The following ABCA2 variants were observed in gnomAD, a reference collection of about 807,000 sequenced individuals.
ABCA2 encodes ATP binding cassette subfamily A member 2, also known as ATP-binding cassette sub-family A member 2.
In ABCA2, 84 loss-of-function variants were observed where a neutral mutation model predicts 262.8. The ratio of observed to expected loss-of-function variants is 0.32; its 90% CI spans 0.27 to 0.38. The LOEUF is 0.38. Among genes scored for constraint, ABCA2 ranks in the 10% least tolerant of loss-of-function variants. The pLI is 1.00. For missense variants in ABCA2, 2,662 were observed against 3,405.9 expected (o/e 0.78, Z 5.44); for synonymous variants, 1,696 against 1,502.9 (o/e 1.13, Z -2.97).
Position 137,011,611 on chromosome 9 carries a change from C to CT in ABCA2, c.5651+22dup, listed in dbSNP as rs1195118617. ...GCAGCCCCGGTCCCACCTGAGGCCG[C>CT]TCCCCCCTCCGCTTCCGCTTACCCA... On this transcript the variant is annotated intron_variant, in intron 36 of 48. Coordinates refer to ENST00000341511, the MANE Select transcript of ABCA2 (RefSeq NM_001606.5). This position sits in a 1 kb window ranked among gnomAD's most constrained non-coding sequence, Gnocchi z 8.8. 1.3e-6 allele frequency: 2 copies of CT among 1,553,208 alleles called. No homozygotes were observed. The highest frequency in any genetic ancestry group is 2.7e-5 in the African/African-American group (2 of 73,182).
chr9:137,007,842 T>G lies in ABCA2; in HGVS notation c.*87A>C. ...CTCCACTCCAGGCCCTGGCAGGCACTGGGGGACTTCTGTCCCCATTGTTGA... is the reference window on the plus strand; with the variant it reads ...CTCCACTCCAGGCCCTGGCAGGCACGGGGGGACTTCTGTCCCCATTGTTGA... On this transcript the variant is annotated 3_prime_UTR_variant, in exon 49 of 49. Coordinates refer to ENST00000341511, the MANE Select transcript of ABCA2 (RefSeq NM_001606.5). 6.5e-7 allele frequency: 1 copy of G among 1,547,820 alleles called. No homozygotes were observed. Among genetic ancestry groups the G allele is most frequent in the South Asian group, 1.1e-5 (1 of 87,518 alleles).
intron 48 of ABCA2, chr9:137,008,186 C>T: frequency 1.3e-6 from 1 of 798,798 alleles, no homozygotes; most frequent in Non-Finnish European, 2.1e-6. Context: ...CTGGTCCCCT[C>T]TGCCCCACCC....
At chr9:137,023,968 G>C in intron 2 of ABCA2, 128 bp from the exon 3 acceptor site, 2 of 1,527,922 alleles carry the variant, frequency 1.3e-6, no homozygotes, top group Non-Finnish European at 1.8e-6. Context: ...CCACAGGCCA[G>C]CCCCGACCTC....
At chr9:137,025,239 C>T (rs1410885287) in intron 1 of ABCA2, among the ~76,000 whole-genome samples, 1 of 152,238 alleles carries the variant, frequency 6.6e-6, no homozygotes, top group Non-Finnish European at 1.5e-5. Context: ...GCTCACTTCA[C>T]CTGAAAACCA....
intron 3 of ABCA2, 170 bp from the exon 4 acceptor site, chr9:137,023,222 C>T (rs1831540718): frequency 3.1e-6 from 2 of 644,088 alleles, no homozygotes; most frequent in East Asian, 2.7e-5. Flanking sequence ...AGCTGGGCTA[C>T]AGGCCAAGCG....
At position 137,022,667 on chromosome 9, in the gene ABCA2, A is replaced by G. The variant is rs769148763; in HGVS notation, c.439+35T>C. 4 of 1,592,198 alleles carry G rather than the reference A, an allele frequency of 2.5e-6. No individual in the cohort carries two copies. The East Asian group carries it at 9.1e-5, about 36-fold the overall frequency. ...CCAGTGACAGCAGAGCTTTGCCCGC[A>G]GCCCTGCCCCCCAACTTCCCTGCAC... On this transcript the variant is annotated intron_variant, in intron 5 of 48. Coordinates refer to ENST00000341511, the MANE Select transcript of ABCA2 (RefSeq NM_001606.5).
At position 137,020,331 on chromosome 9, in the gene ABCA2, T is replaced by G; in HGVS notation, c.1425+5A>C. On this transcript the variant is annotated splice_donor_5th_base_variant and intron_variant, in intron 10 of 48. Coordinates refer to ENST00000341511, the MANE Select transcript of ABCA2 (RefSeq NM_001606.5). The stretch of plus-strand genomic sequence containing the variant: ...TCAAACATGGAGCGTCCCAGACCCG[T>G]GCACCTTGAGGATGACGCGGTCGAC... 1.2e-6 allele frequency: 2 copies of G among 1,612,084 alleles called. No individual in the cohort carries two copies. Among genetic ancestry groups the G allele is most frequent in the Non-Finnish European group, 1.7e-6 (2 of 1,179,944 alleles).
At position 137,021,979 on chromosome 9, in the gene ABCA2, G is replaced by A. The variant is rs574467529; in HGVS notation, c.590C>T (p.Pro197Leu). Residue 197 changes from proline (P) to leucine (L), a missense_variant, in exon 7 of 49, where the codon CCC (proline) becomes CTC (leucine). By Grantham distance (98) the Pro-to-Leu change is moderately conservative (BLOSUM62 -3). Around this residue, in one of 12 missense-constraint regions of ABCA2, gnomAD observed 403 missense variants for 375.9 expected, o/e 1.07. Coordinates refer to ENST00000341511, the MANE Select transcript of ABCA2 (RefSeq NM_001606.5). The surrounding 1 kb of genome is among the most constrained non-coding windows in gnomAD (Gnocchi z 6.0). ...AGACTGTGAATCCAGGGCAGATGAGGGACCAAAGAGCAGGTGGTAGACCTA... is the reference window on the plus strand; with the variant it reads ...AGACTGTGAATCCAGGGCAGATGAGAGACCAAAGAGCAGGTGGTAGACCTA... Reference protein sequence around the residue: ...PPEVYHLLFGPSSALDSQSGL... With the variant: ...PPEVYHLLFGLSSALDSQSGL... 3 of 1,601,092 alleles carry A rather than the reference G, an allele frequency of 1.9e-6. No homozygotes were observed. Among genetic ancestry groups the A allele is most frequent in the Admixed American group, 1.7e-5 (1 of 57,662 alleles).
At chr9:137,013,602 C>G (rs771401128) in intron 28 of ABCA2, 39 bp from the exon 29 acceptor site, 2 of 1,564,612 alleles carry the variant, frequency 1.3e-6, no homozygotes, top group Non-Finnish European at 1.7e-6. Context: ...AGGTTCTGCC[C>G]TCTGGCCAGC....
chr9:137,015,912 A>G (rs1471831245), intron 22 of ABCA2, 41 bp from the exon 23 acceptor site: 3 of 1,607,102 alleles, frequency 1.9e-6, no homozygotes, highest in South Asian at 1.1e-5. Context: ...TGCTATGCAG[A>G]GCCCCAGGGC....
In ABCA2 at chr9:137,021,258, T is replaced by C. The variant is rs1831443848; in HGVS notation, c.897+134A>G. ...GAGTGGGGCACCAGCCATGGTGCCA[T>C]TGGATACCCACCCACAGGCAGCATC... On this transcript the variant is annotated intron_variant, in intron 8 of 48. Transcript: ENST00000341511. This position sits in a 1 kb window ranked among gnomAD's most constrained non-coding sequence, Gnocchi z 6.0. 1.8e-5 allele frequency: 24 copies of C among 1,306,302 alleles called. No homozygotes were observed. The South Asian group carries it at 2.4e-4, about 13-fold the overall frequency. 80.9% of individuals were successfully genotyped at this position (1,306,302 alleles called of 1,614,324 possible). A position where few individuals can be genotyped will look rare whatever the true frequency, so the allele number is the denominator to read the frequency against.
chr9:137,022,632 G>T, intron 5 of ABCA2, 70 bp downstream of exon 5: 1 of 1,567,792 alleles, frequency 6.4e-7, no homozygotes. Context: ...GAGTGGATGT[G>T]GGCTTCAGCC....
rs1831461291 is a variant in ABCA2 at position 137,021,760 on chromosome 9, C to A, written c.678+131G>T. The A allele has an allele frequency of 3.3e-6, 4 of 1,228,278 alleles. No homozygotes were observed. The highest frequency in any genetic ancestry group is 1.1e-6 in the Non-Finnish European group (1 of 869,642). 76.1% of individuals were successfully genotyped at this position (1,228,278 alleles called of 1,614,324 possible). ...CTCTACCCCTCATGCCTGCCATAGACCCCTGGGACCCTCCCCCTCTCCCAG... is the reference window on the plus strand; with the variant it reads ...CTCTACCCCTCATGCCTGCCATAGAACCCTGGGACCCTCCCCCTCTCCCAG... On this transcript the variant is annotated intron_variant, in intron 7 of 48. Transcript: ENST00000341511. The surrounding 1 kb of genome is among the most constrained non-coding windows in gnomAD (Gnocchi z 6.0).
At position 137,021,656 on chromosome 9, in the gene ABCA2, C is replaced by T; in HGVS notation, c.679-46G>A. On this transcript the variant is annotated intron_variant, in intron 7 of 48. Coordinates refer to ENST00000341511, the MANE Select transcript of ABCA2 (RefSeq NM_001606.5). This position sits in a 1 kb window ranked among gnomAD's most constrained non-coding sequence, Gnocchi z 6.0. ...CGTGGAGCCACGGCAAGGACTTTGT[C>T]CCCAACCACTAGGGCCTCAGGCCTC... The T allele has an allele frequency of 6.5e-7, 1 of 1,526,846 alleles. No homozygotes were observed. Among genetic ancestry groups the T allele is most frequent in the Non-Finnish European group, 8.8e-7 (1 of 1,134,740 alleles). The allele number at this position is 1,526,846 out of a possible 1,614,324, so 94.6% of individuals were successfully genotyped here.
rs7849048 is a variant in ABCA2 at position 137,020,251 on chromosome 9, G to A, written c.1425+85C>T. 1.8e-3 allele frequency: 2,847 copies of A among 1,576,048 alleles called. 35 individuals are homozygous for A. The African/African-American group carries it at 0.031, about 17-fold the overall frequency. ...GTACCCCTCCCGTGTCAATTCTGCC[G>A]ACACCCTCTGCCCAGGGGTCCCAGG... is the stretch of plus-strand genomic sequence containing the variant. On this transcript the variant is annotated intron_variant, in intron 10 of 48. Coordinates refer to ENST00000341511, the MANE Select transcript of ABCA2 (RefSeq NM_001606.5).
chr9:137,023,291 G>C (rs1478446886), intron 3 of ABCA2: 1 of 646,658 alleles, frequency 1.5e-6, no homozygotes, highest in African/African-American at 1.8e-5. Flanking sequence ...CACCCCTTCT[G>C]CCATAACTCC....
chr9:137,012,490 C>T lies in ABCA2; in HGVS notation c.5182G>A (p.Ala1728Thr). The T allele has an allele frequency of 2.5e-6, 4 of 1,611,426 alleles. No homozygotes were observed. Among genetic ancestry groups the T allele is most frequent in the Non-Finnish European group, 3.4e-6 (4 of 1,179,800 alleles). ...AGGCCCGCAGCCTCGCTCACCTGGG[C>T]AGCCCTGCGCACCGCGATCTTCCGC... ...MVRKIAVRRA[A>T]QVFYNNKGYH... The change falls in exon 32 of 49, where the codon GCC becomes ACC. Residue 1728 changes from alanine to threonine, a missense_variant. Ala to Thr is a moderately conservative substitution (Grantham distance 58). Transcript: ENST00000341511.
chr9:137,022,301 T>C, intron 6 of ABCA2, 50 bp downstream of exon 6: 3 of 1,533,330 alleles, frequency 2.0e-6, no homozygotes, highest in Non-Finnish European at 2.6e-6. Context: ...CCAGGGGGCG[T>C]GGCTGGGGCA....
chr9:137,022,981 G>T lies in ABCA2; in HGVS notation c.235C>A (p.Gln79Lys). Reference protein sequence around the residue: ...PVMQSLCPDGQRDEFGFLQYA... With the variant: ...PVMQSLCPDGKRDEFGFLQYA... ...TGCAGGAAGCCGAACTCGTCTCGCTGGCCGTCCGGGCACAGCGATTGCATG... is the reference window on the plus strand; with the variant it reads ...TGCAGGAAGCCGAACTCGTCTCGCTTGCCGTCCGGGCACAGCGATTGCATG... The change falls in exon 4 of 49, where the codon CAG (glutamine) becomes AAG (lysine). Residue 79 changes from glutamine to lysine, a missense_variant. Gln to Lys is a moderately conservative substitution (Grantham distance 53). Transcript: ENST00000341511. 6.3e-7 allele frequency: 1 copy of T among 1,591,964 alleles called. No individual in the cohort carries two copies. The highest frequency in any genetic ancestry group is 1.8e-5 in the Admixed American group (1 of 56,842).
Sources: allele counts gnomAD v4.1 joint callset (sites outside exome capture counted in the v4.1 genomes callset), GRCh38; gene constraint gnomAD v4.1.1; regional missense constraint gnomAD v4.1.1; non-coding constraint Gnocchi (gnomAD v3.1); transcripts MANE v1.5; gene names NCBI Gene and HGNC (gene_info 2026-07-23, HGNC 2026-07-21).